The following DPP10 variants were observed in gnomAD, a reference collection of about 807,000 sequenced individuals.
DPP10 encodes the protein inactive dipeptidyl peptidase 10.
DPP10 carries 33 observed loss-of-function variants against 120.9 expected under a neutral mutation model. The ratio of observed to expected loss-of-function variants is 0.27; its 90% confidence interval spans 0.21 to 0.37. DPP10 has a LOEUF of 0.37. Among genes scored for constraint, DPP10 ranks in the 10% least tolerant of loss-of-function variants. The probability of loss-of-function intolerance (pLI) is 1.00; values close to 1 mark genes in which losing one functional copy is unlikely to be tolerated. For missense variants in DPP10, 816 were observed against 942.8 expected (o/e 0.87, Z 1.76); for synonymous variants, 337 against 326.1 (o/e 1.03, Z -0.36).
At chr2:114,810,149 A>G (rs1685060580) in intron 1 of DPP10, among the ~76,000 whole-genome samples, 1 of 152,148 alleles carries the variant, frequency 6.6e-6, no homozygotes, top group African/African-American at 2.4e-5. Flanking sequence ...TCAAGTTACC[A>G]AGACTTAAAT....
chr2:114,505,402 T>C (rs1683560350), intron 1 of DPP10, among the ~76,000 whole-genome samples: 1 of 152,030 alleles, frequency 6.6e-6, no homozygotes, highest in South Asian at 2.1e-4. Context: ...TCTCTGGTGA[T>C]TAGAGTGTTC....
chr2:114,634,594 C>T (rs1695177482), intron 1 of DPP10, among the ~76,000 whole-genome samples: 1 of 151,890 alleles, frequency 6.6e-6, no homozygotes, highest in Admixed American at 6.6e-5. Context: ...TTATCACTTG[C>T]TATCTGGGTG....
intron 1 of DPP10, among the ~76,000 whole-genome samples, chr2:115,091,657 T>C (rs1709274802): frequency 6.6e-6 from 1 of 152,124 alleles, no homozygotes; most frequent in Non-Finnish European, 1.5e-5. Flanking sequence ...TGAAATTTGT[T>C]TGAAGAATGA....
chr2:114,465,959 G>A (rs1029489873), intron 1 of DPP10, among the ~76,000 whole-genome samples: 4 of 152,106 alleles, frequency 2.6e-5, no homozygotes, highest in African/African-American at 4.8e-5. Flanking sequence ...CTAGCTGTGC[G>A]TTGTGTTGTT....
chr2:115,686,609 G>C (rs948186939), intron 5 of DPP10, among the ~76,000 whole-genome samples: 25 of 152,022 alleles, frequency 1.6e-4, no homozygotes, highest in African/African-American at 5.8e-4. Flanking sequence ...AGGGTTCACA[G>C]TATAATATAG....
intron 1 of DPP10, among the ~76,000 whole-genome samples, chr2:114,518,635 G>A (rs992470085): frequency 1.3e-5 from 2 of 152,064 alleles, no homozygotes; most frequent in South Asian, 2.1e-4. Context: ...TGTCCTCCCC[G>A]GCAGCATTGG....
chr2:114,497,908 G>A (rs1682821177), intron 1 of DPP10, among the ~76,000 whole-genome samples: 1 of 152,144 alleles, frequency 6.6e-6, no homozygotes, highest in East Asian at 1.9e-4. Context: ...CTAGGGAGAT[G>A]CTCACTCGTC....
intron 11 of DPP10, 94 bp from the exon 12 acceptor site, chr2:115,762,478 A>G: frequency 2.3e-6 from 3 of 1,324,198 alleles, no homozygotes; most frequent in East Asian, 4.6e-5. Context: ...GAAGAGAGGG[A>G]AAAAAAACTG....
intron 1 of DPP10, among the ~76,000 whole-genome samples, chr2:114,985,369 C>T (rs751267680): frequency 2.0e-5 from 3 of 152,166 alleles, no homozygotes; most frequent in Admixed American, 6.5e-5. Context: ...TCTATCACAT[C>T]ACCATATTTA....
At position 115,472,195 on chromosome 2, in the gene DPP10, A is replaced by C. The variant is rs146383026; in HGVS notation, c.272-27315A>C. On this transcript the variant is annotated intron_variant, in intron 3 of 25. Coordinates refer to ENST00000410059, the MANE Select transcript of DPP10 (RefSeq NM_020868.6). ...TTTACTCATTCTGACAAGCATATTCAGTAAACAACTGTAGTTATCATCAGT... is the reference window on the plus strand; with the variant it reads ...TTTACTCATTCTGACAAGCATATTCCGTAAACAACTGTAGTTATCATCAGT... 4.6e-5 allele frequency among the ~76,000 whole-genome samples: 7 copies of C among 152,338 alleles called. No homozygotes were observed. The East Asian group carries it at 1.4e-3, about 29-fold the overall frequency.
At chr2:115,048,462 T>G (rs1460330313) in intron 1 of DPP10, among the ~76,000 whole-genome samples, 2 of 152,116 alleles carry the variant, frequency 1.3e-5, no homozygotes, top group Non-Finnish European at 2.9e-5. Context: ...AACACTTGCT[T>G]ATTCAGTAGC....
chr2:114,751,713 C>A (rs546174501), intron 1 of DPP10, among the ~76,000 whole-genome samples: 1 of 152,274 alleles, frequency 6.6e-6, no homozygotes, highest in South Asian at 2.1e-4. Context: ...TTCTTTACCT[C>A]TCTCCAGGTT....
At chr2:115,507,581 T>C (rs1345541436) in intron 4 of DPP10, among the ~76,000 whole-genome samples, 2 of 152,026 alleles carry the variant, frequency 1.3e-5, no homozygotes, top group East Asian at 3.9e-4. Flanking sequence ...TATAGATCTA[T>C]TCCAAGAACA....
At chr2:115,033,893 C>CTTTTTTTTTTTTTT (rs965717193) in intron 1 of DPP10, among the ~76,000 whole-genome samples, 31 of 89,860 alleles carry the variant, frequency 3.4e-4, no homozygotes, top group East Asian at 1.4e-3. Context: ...TTTTCTTTTT[C>CTTTTTTTTTTTTTT]TTTTTTTTTT....
chr2:115,637,400 A>G (rs1180381985), intron 5 of DPP10, among the ~76,000 whole-genome samples: 2 of 152,176 alleles, frequency 1.3e-5, no homozygotes, highest in African/African-American at 2.4e-5. Context: ...CACAAAAAAT[A>G]TAGATGCAAA....
At chr2:115,716,526 T>G (rs549610570) in intron 7 of DPP10, among the ~76,000 whole-genome samples, 1 of 152,304 alleles carries the variant, frequency 6.6e-6, no homozygotes, top group Non-Finnish European at 1.5e-5. Context: ...TGCTTGAATT[T>G]AAGTGATTCT....
At chr2:114,770,183 G>A (rs1439799826) in intron 1 of DPP10, among the ~76,000 whole-genome samples, 1 of 152,128 alleles carries the variant, frequency 6.6e-6, no homozygotes, top group Non-Finnish European at 1.5e-5. Flanking sequence ...GCAGTTGTAT[G>A]GGAAGCATTC....
intron 1 of DPP10, among the ~76,000 whole-genome samples, chr2:114,895,439 A>G (rs969582142): frequency 3.9e-5 from 6 of 152,184 alleles, no homozygotes; most frequent in African/African-American, 1.4e-4. Flanking sequence ...TGTCCATTGG[A>G]ACATGCACAA....
intron 5 of DPP10, among the ~76,000 whole-genome samples, chr2:115,557,676 T>TC (rs2080301787): frequency 6.6e-6 from 1 of 152,158 alleles, no homozygotes; most frequent in African/African-American, 2.4e-5. Context: ...TTCCAGATGT[T>TC]CCAGGTGTTC....
Sources: allele counts gnomAD v4.1 joint callset (sites outside exome capture counted in the v4.1 genomes callset), GRCh38; gene constraint gnomAD v4.1.1; transcripts MANE v1.5; gene names NCBI Gene and HGNC (gene_info 2026-07-23, HGNC 2026-07-21).